The following PPIAL4A variants were observed in gnomAD, a reference collection of about 807,000 sequenced individuals.
PPIAL4A encodes peptidyl-prolyl cis-trans isomerase A-like 4A.
Under a neutral mutation model 7.2 loss-of-function variants are expected in PPIAL4A, and 6 were observed. The ratio of observed to expected loss-of-function variants is 0.83; its 90% CI spans 0.46 to 1.65. The LOEUF (loss-of-function observed/expected upper bound fraction) is 1.65, where lower values mean the gene tolerates loss of function less well. Among genes scored for constraint, PPIAL4A ranks in the 40% most tolerant of loss-of-function variants. The pLI is 0.01. For synonymous variants in PPIAL4A, 53 were observed against 75.1 expected, an observed-to-expected ratio of 0.71 and a Z score of 1.52; for missense variants, 212 against 209.4, an observed-to-expected ratio of 1.01 and a Z score of -0.08.
chr1:120,889,918 C>A lies in PPIAL4A; in HGVS notation c.98C>A (p.Ala33Glu), dbSNP rs1424719194. The change falls in exon 1 of 1, where the codon GCG (alanine) becomes GAG (glutamate). Residue 33 changes from alanine to glutamate, a missense_variant. By Grantham distance (107) the Ala-to-Glu change is moderately radical (BLOSUM62 -1). Transcript: ENST00000577856. ...TTTGCAGACAAGATTCTAAAGACAG[C>A]GGAAAACTTTCGTGCTCTGAGCACT... ...KLFADKILKT[A>E]ENFRALSTGE... The A allele has an allele frequency of 6.8e-7, 1 of 1,470,672 alleles. No individual in the cohort carries two copies. Among genetic ancestry groups the A allele is most frequent in the Non-Finnish European group, 9.2e-7 (1 of 1,085,950 alleles). 91.1% of individuals were successfully genotyped at this position (1,470,672 alleles called of 1,614,324 possible).
chr1:120,890,346 C>T lies in PPIAL4A; in HGVS notation c.*31C>T. The T allele has an allele frequency of 1.5e-6, 2 of 1,343,180 alleles. No homozygotes were observed. Among genetic ancestry groups the T allele is most frequent in the South Asian group, 1.2e-5 (1 of 81,506 alleles). The allele number at this position is 1,343,180 out of a possible 1,614,324, so 83.2% of individuals were successfully genotyped here. Reference sequence around the variant, plus strand: ...TTGACTTGTGTTTTATTTTCACCACCAGACCCATTCCTTCTGTAGCTCAGG... The same window carrying T: ...TTGACTTGTGTTTTATTTTCACCACTAGACCCATTCCTTCTGTAGCTCAGG... On this transcript the variant is annotated 3_prime_UTR_variant, in exon 1 of 1. Coordinates refer to ENST00000577856, the MANE Select transcript of PPIAL4A (RefSeq NM_001143883.4).
At position 120,889,797 on chromosome 1, in the gene PPIAL4A, A is replaced by G. The variant is rs2814239; in HGVS notation, c.-24A>G. ...GGTTATCTTTGCAGACGCCACCATC[A>G]CTGTGAGCCCTGTACTATCAGCCAT... On this transcript the variant is annotated 5_prime_UTR_variant, in exon 1 of 1. Transcript: ENST00000577856. 1.4e-6 allele frequency: 2 copies of G among 1,465,804 alleles called. No homozygotes were observed. The highest frequency in any genetic ancestry group is 4.5e-5 in the East Asian group (2 of 44,402). The allele number at this position is 1,465,804 out of a possible 1,614,324, so 90.8% of individuals were successfully genotyped here.
At position 120,889,871 on chromosome 1, in the gene PPIAL4A, G is replaced by A; in HGVS notation, c.51G>A (p.Leu17=). Residue 17 remains leucine, a synonymous_variant, in exon 1 of 1, where the codon TTG becomes TTA. Coordinates refer to ENST00000577856, the MANE Select transcript of PPIAL4A (RefSeq NM_001143883.4). ...ACATCACCGTCGACGGCAAGCCCTT[G>A]GGCCGCATCTCCATCAAACTGTTTG... ...FFDITVDGKP[L]GRISIKLFAD... is the part of the protein sequence containing the mutation. 1.4e-6 allele frequency: 2 copies of A among 1,469,270 alleles called. No homozygotes were observed. Among genetic ancestry groups the A allele is most frequent in the Non-Finnish European group, 1.8e-6 (2 of 1,085,348 alleles). 91.0% of individuals were successfully genotyped at this position (1,469,270 alleles called of 1,614,324 possible).
In PPIAL4A at chr1:120,890,100, G is replaced by T; in HGVS notation, c.280G>T (p.Gly94Cys). The T allele has an allele frequency of 1.3e-6, 2 of 1,524,926 alleles. No homozygotes were observed. Among genetic ancestry groups the T allele is most frequent in the South Asian group, 2.3e-5 (2 of 87,788 alleles). 94.5% of individuals were successfully genotyped at this position (1,524,926 alleles called of 1,614,324 possible). A position where few individuals can be genotyped will look rare whatever the true frequency, so the allele number is the denominator to read the frequency against. ...TGAGAACCTCATCCGAAAGCATACAGGTTCTGGCATCTTGTCCATGGCAAA... is the reference window on the plus strand; with the variant it reads ...TGAGAACCTCATCCGAAAGCATACATGTTCTGGCATCTTGTCCATGGCAAA... ...DDENLIRKHT[G>C]SGILSMANAG... Residue 94 changes from glycine to cysteine, a missense_variant, in exon 1 of 1, where the codon GGT (glycine) becomes TGT (cysteine). Physicochemically the swap from Gly to Cys is radical, Grantham distance 159. Transcript: ENST00000577856.
At position 120,890,304 on chromosome 1, in the gene PPIAL4A, G is replaced by A. The variant is rs1208465475; in HGVS notation, c.484G>A (p.Gly162Arg). 1.4e-6 allele frequency: 2 copies of A among 1,426,426 alleles called. No individual in the cohort carries two copies. The highest frequency in any genetic ancestry group is 4.6e-5 in the East Asian group (2 of 43,654). 88.4% of individuals were successfully genotyped at this position (1,426,426 alleles called of 1,614,324 possible). A position where few individuals can be genotyped will look rare whatever the true frequency, so the allele number is the denominator to read the frequency against. The change falls in exon 1 of 1, where the codon GGA becomes AGA. Residue 162 changes from glycine to arginine, a missense_variant. Gly to Arg is a moderately radical substitution (Grantham distance 125, BLOSUM62 -2). Transcript: ENST00000577856. Reference sequence around the variant, plus strand: ...CAAGAAGATCACCATTGCTGACTGTGGACAATTCTAATGAGTTTGACTTGT... The same window carrying A: ...CAAGAAGATCACCATTGCTGACTGTAGACAATTCTAATGAGTTTGACTTGT... The part of the protein sequence containing the change: ...TSKKITIADC[G>R]QF
chr1:120,889,892 G>A lies in PPIAL4A; in HGVS notation c.72G>A (p.Leu24=). ...GKPLGRISIK[L]FADKILKTAE... ...CCTTGGGCCGCATCTCCATCAAACT[G>A]TTTGCAGACAAGATTCTAAAGACAG... The change falls in exon 1 of 1, where the codon CTG becomes CTA. Residue 24 remains leucine, a synonymous_variant. Coordinates refer to ENST00000577856, the MANE Select transcript of PPIAL4A (RefSeq NM_001143883.4). The A allele has an allele frequency of 6.8e-7, 1 of 1,470,128 alleles. No homozygotes were observed. Among genetic ancestry groups the A allele is most frequent in the Non-Finnish European group, 9.2e-7 (1 of 1,085,678 alleles). 91.1% of individuals were successfully genotyped at this position (1,470,128 alleles called of 1,614,324 possible).
Position 120,890,137 on chromosome 1 carries a change from A to G in PPIAL4A, c.317A>G (p.Asn106Ser), listed in dbSNP as rs2101587974. 9 of 1,551,004 alleles carry G rather than the reference A, an allele frequency of 5.8e-6. No homozygotes were observed. Among genetic ancestry groups the G allele is most frequent in the East Asian group, 2.2e-5 (1 of 44,588 alleles). ...TTGTCCATGGCAAATGCTGGACCCA[A>G]CACAAATGGTTCCCAGTTTTTCATC... ...GILSMANAGP[N>S]TNGSQFFICA... The change falls in exon 1 of 1, where the codon AAC becomes AGC. Residue 106 changes from asparagine to serine, a missense_variant. Coordinates refer to ENST00000577856, the MANE Select transcript of PPIAL4A (RefSeq NM_001143883.4).
chr1:120,889,925 C>A lies in PPIAL4A; in HGVS notation c.105C>A (p.Asn35Lys), dbSNP rs1653222301. The A allele has an allele frequency of 2.7e-6, 4 of 1,470,740 alleles. 1 individual carries two copies. The highest frequency in any genetic ancestry group is 1.8e-5 in the Admixed American group (1 of 55,044). The allele number at this position is 1,470,740 out of a possible 1,614,324, so 91.1% of individuals were successfully genotyped here. ...ACAAGATTCTAAAGACAGCGGAAAA[C>A]TTTCGTGCTCTGAGCACTGGAGAGA... is the stretch of plus-strand genomic sequence containing the variant. ...FADKILKTAE[N>K]FRALSTGEKG... is the part of the protein sequence containing the mutation. Residue 35 changes from asparagine to lysine, a missense_variant, in exon 1 of 1, where the codon AAC (asparagine) becomes AAA (lysine). Asn to Lys is a moderately conservative substitution (Grantham distance 94). Coordinates refer to ENST00000577856, the MANE Select transcript of PPIAL4A (RefSeq NM_001143883.4).
Position 120,890,241 on chromosome 1 carries a change from G to A in PPIAL4A, c.421G>A (p.Ala141Thr). Reference protein sequence around the residue: ...KVKERVNIVEAMEHFGYRNSK... With the variant: ...KVKERVNIVETMEHFGYRNSK... ...GAAAGAACGTGTGAATATTGTGGAA[G>A]CCATGGAGCACTTTGGGTACAGGAA... is the stretch of plus-strand genomic sequence containing the variant. Residue 141 changes from alanine to threonine, a missense_variant, in exon 1 of 1, where the codon GCC becomes ACC. Physicochemically the swap from Ala to Thr is moderately conservative, Grantham distance 58. Coordinates refer to ENST00000577856, the MANE Select transcript of PPIAL4A (RefSeq NM_001143883.4). 6.2e-6 allele frequency: 9 copies of A among 1,447,496 alleles called. 2 individuals carry two copies. The highest frequency in any genetic ancestry group is 2.3e-5 in the East Asian group (1 of 44,224). The allele number at this position is 1,447,496 out of a possible 1,614,324, so 89.7% of individuals were successfully genotyped here.
rs1653226629 is a variant in PPIAL4A, at chr1:120,890,052, A to G, written c.232A>G (p.Ile78Val). 2 of 1,474,546 alleles carry G rather than the reference A, an allele frequency of 1.4e-6. 1 individual carries two copies. Among genetic ancestry groups the G allele is most frequent in the Non-Finnish European group, 1.8e-6 (2 of 1,087,984 alleles). 91.3% of individuals were successfully genotyped at this position (1,474,546 alleles called of 1,614,324 possible). The change falls in exon 1 of 1, where the codon ATC becomes GTC. Residue 78 changes from isoleucine to valine, a missense_variant. Coordinates refer to ENST00000577856, the MANE Select transcript of PPIAL4A (RefSeq NM_001143883.4). ...TRHNGTGDKS[I>V]YGEKFDDENL... The stretch of plus-strand genomic sequence containing the variant: ...CCATAATGGCACTGGTGACAAGTCC[A>G]TCTATGGGGAGAAATTTGATGATGA...
Position 120,889,888 on chromosome 1 carries a change from A to G in PPIAL4A, c.68A>G (p.Lys23Arg), listed in dbSNP as rs1653221569. ...AAGCCCTTGGGCCGCATCTCCATCA[A>G]ACTGTTTGCAGACAAGATTCTAAAG... is the stretch of plus-strand genomic sequence containing the variant. ...DGKPLGRISI[K>R]LFADKILKTA... Residue 23 changes from lysine to arginine, a missense_variant, in exon 1 of 1, where the codon AAA becomes AGA. Coordinates refer to ENST00000577856, the MANE Select transcript of PPIAL4A (RefSeq NM_001143883.4). The G allele has an allele frequency of 2.0e-6, 3 of 1,469,784 alleles. No individual in the cohort carries two copies. The highest frequency in any genetic ancestry group is 2.8e-6 in the Non-Finnish European group (3 of 1,085,614). 91.0% of individuals were successfully genotyped at this position (1,469,784 alleles called of 1,614,324 possible).
At position 120,889,857 on chromosome 1, in the gene PPIAL4A, G is replaced by A. The variant is rs1558001235; in HGVS notation, c.37G>A (p.Asp13Asn). ...NSVVFFDITV[D>N]GKPLGRISIK... ...CGTCGTCTTTTTTGACATCACCGTC[G>A]ACGGCAAGCCCTTGGGCCGCATCTC... The change falls in exon 1 of 1, where the codon GAC becomes AAC. Residue 13 changes from aspartate (D) to asparagine (N), a missense_variant. Transcript: ENST00000577856. 2.7e-6 allele frequency: 4 copies of A among 1,468,722 alleles called. 1 individual carries two copies. In the South Asian group the frequency reaches 4.7e-5, roughly 17 times the overall value. 91.0% of individuals were successfully genotyped at this position (1,468,722 alleles called of 1,614,324 possible). A position where few individuals can be genotyped will look rare whatever the true frequency, so the allele number is the denominator to read the frequency against.
At position 120,890,045 on chromosome 1, in the gene PPIAL4A, C is replaced by A; in HGVS notation, c.225C>A (p.Asp75Glu). ...TCACACGCCATAATGGCACTGGTGA[C>A]AAGTCCATCTATGGGGAGAAATTTG... ...GDFTRHNGTG[D>E]KSIYGEKFDD... Residue 75 changes from aspartate to glutamate, a missense_variant, in exon 1 of 1, where the codon GAC becomes GAA. Transcript: ENST00000577856. 7.5e-6 allele frequency: 11 copies of A among 1,471,826 alleles called. 3 individuals are homozygous for A. Among genetic ancestry groups the A allele is most frequent in the South Asian group, 1.2e-5 (1 of 84,640 alleles). 91.2% of individuals were successfully genotyped at this position (1,471,826 alleles called of 1,614,324 possible). A position where few individuals can be genotyped will look rare whatever the true frequency, so the allele number is the denominator to read the frequency against.
At position 120,889,807 on chromosome 1, in the gene PPIAL4A, C is replaced by A; in HGVS notation, c.-14C>A. 4 of 1,466,242 alleles carry A rather than the reference C, an allele frequency of 2.7e-6. No homozygotes were observed. In the East Asian group the frequency reaches 9.0e-5, roughly 33 times the overall value. 90.8% of individuals were successfully genotyped at this position (1,466,242 alleles called of 1,614,324 possible). A position where few individuals can be genotyped will look rare whatever the true frequency, so the allele number is the denominator to read the frequency against. ...GCAGACGCCACCATCACTGTGAGCC[C>A]TGTACTATCAGCCATGGTCAACTCC... On this transcript the variant is annotated 5_prime_UTR_variant, in exon 1 of 1. It adds an upstream start codon to the 5' untranslated region. Coordinates refer to ENST00000577856, the MANE Select transcript of PPIAL4A (RefSeq NM_001143883.4).
At position 120,889,977 on chromosome 1, in the gene PPIAL4A, T is replaced by A; in HGVS notation, c.157T>A (p.Phe53Ile). The change falls in exon 1 of 1, where the codon TTT (phenylalanine) becomes ATT (isoleucine). Residue 53 changes from phenylalanine (F) to isoleucine (I), a missense_variant. Physicochemically the swap from Phe to Ile is conservative, Grantham distance 21. Transcript: ENST00000577856. ...EKGFRYKGSC[F>I]HRIIPGFMCQ... is the part of the protein sequence containing the mutation. ...AGGATTTCGTTATAAGGGTTCCTGC[T>A]TTCACAGAATTATTCCAGGGTTTAT... 1.4e-6 allele frequency: 2 copies of A among 1,474,606 alleles called. No homozygotes were observed. The highest frequency in any genetic ancestry group is 1.8e-6 in the Non-Finnish European group (2 of 1,087,420). The allele number at this position is 1,474,606 out of a possible 1,614,324, so 91.3% of individuals were successfully genotyped here.
rs1653230178 is a variant in PPIAL4A, at chr1:120,890,199, G to A, written c.379G>A (p.Val127Met). ...GACTGAGTGGTTGGATGGCAAGCATGTGGCCTTTGGCAAGGTGAAAGAACG... is the reference window on the plus strand; with the variant it reads ...GACTGAGTGGTTGGATGGCAAGCATATGGCCTTTGGCAAGGTGAAAGAACG... Reference protein sequence around the residue: ...AKTEWLDGKHVAFGKVKERVN... With the variant: ...AKTEWLDGKHMAFGKVKERVN... The change falls in exon 1 of 1, where the codon GTG (valine) becomes ATG (methionine). Residue 127 changes from valine to methionine, a missense_variant. Coordinates refer to ENST00000577856, the MANE Select transcript of PPIAL4A (RefSeq NM_001143883.4). 14 of 1,499,914 alleles carry A rather than the reference G, an allele frequency of 9.3e-6. 2 individuals carry two copies. The highest frequency in any genetic ancestry group is 9.3e-5 in the South Asian group (8 of 85,862). The allele number at this position is 1,499,914 out of a possible 1,614,324, so 92.9% of individuals were successfully genotyped here. A position where few individuals can be genotyped will look rare whatever the true frequency, so the allele number is the denominator to read the frequency against.
In PPIAL4A at chr1:120,890,056, A is replaced by T; in HGVS notation, c.236A>T (p.Tyr79Phe). 1 of 1,476,380 alleles carries T rather than the reference A, an allele frequency of 6.8e-7. No homozygotes were observed. The highest frequency in any genetic ancestry group is 9.2e-7 in the Non-Finnish European group (1 of 1,089,264). The allele number at this position is 1,476,380 out of a possible 1,614,324, so 91.5% of individuals were successfully genotyped here. A position where few individuals can be genotyped will look rare whatever the true frequency, so the allele number is the denominator to read the frequency against. ...RHNGTGDKSI[Y>F]GEKFDDENLI... ...AATGGCACTGGTGACAAGTCCATCT[A>T]TGGGGAGAAATTTGATGATGAGAAC... is the stretch of plus-strand genomic sequence containing the variant. Residue 79 changes from tyrosine to phenylalanine, a missense_variant, in exon 1 of 1, where the codon TAT becomes TTT. Tyr to Phe is a conservative substitution (Grantham distance 22). Transcript: ENST00000577856.
At position 120,890,214 on chromosome 1, in the gene PPIAL4A, G is replaced by A. The variant is rs1653230542; in HGVS notation, c.394G>A (p.Val132Met). 1 of 1,467,296 alleles carries A rather than the reference G, an allele frequency of 6.8e-7. No homozygotes were observed. Among genetic ancestry groups the A allele is most frequent in the Middle Eastern group, 1.9e-4 (1 of 5,316 alleles). 90.9% of individuals were successfully genotyped at this position (1,467,296 alleles called of 1,614,324 possible). A position where few individuals can be genotyped will look rare whatever the true frequency, so the allele number is the denominator to read the frequency against. The change falls in exon 1 of 1, where the codon GTG becomes ATG. Residue 132 changes from valine to methionine, a missense_variant. By Grantham distance (21) the Val-to-Met change is conservative (BLOSUM62 1). Transcript: ENST00000577856. ...LDGKHVAFGKVKERVNIVEAM... is the reference protein window; with the variant it reads ...LDGKHVAFGKMKERVNIVEAM... ...TGGCAAGCATGTGGCCTTTGGCAAG[G>A]TGAAAGAACGTGTGAATATTGTGGA...
Position 120,890,001 on chromosome 1 carries a change from A to G in PPIAL4A, c.181A>G (p.Met61Val), listed in dbSNP as rs1653225402. 11 of 1,473,182 alleles carry G rather than the reference A, an allele frequency of 7.5e-6. 3 individuals carry two copies. In the Admixed American group the frequency reaches 1.3e-4, roughly 17 times the overall value. The allele number at this position is 1,473,182 out of a possible 1,614,324, so 91.3% of individuals were successfully genotyped here. A position where few individuals can be genotyped will look rare whatever the true frequency, so the allele number is the denominator to read the frequency against. The change falls in exon 1 of 1, where the codon ATG becomes GTG. Residue 61 changes from methionine (M) to valine (V), a missense_variant. Met to Val is a conservative substitution (Grantham distance 21). Transcript: ENST00000577856. ...CTTTCACAGAATTATTCCAGGGTTT[A>G]TGTGTCAGGGTGGTGACTTCACACG... ...SCFHRIIPGF[M>V]CQGGDFTRHN... is the part of the protein sequence containing the mutation.
Sources: gnomAD v4.1 joint callset for allele counts on GRCh38, gnomAD v4.1.1 for gene constraint, MANE v1.5 for transcripts, NCBI Gene and HGNC (gene_info 2026-07-23, HGNC 2026-07-21) for gene names.